RALYL: variants seen among roughly 807,000 people sequenced by gnomAD.
RALYL encodes RNA-binding Raly-like protein.
A neutral mutation model predicts 35.1 loss-of-function variants in RALYL; 29 were observed. The observed-to-expected ratio is 0.83, with a 90% CI of 0.61 to 1.13. The LOEUF (loss-of-function observed/expected upper bound fraction) is 1.13. Ranked by LOEUF, RALYL falls within the 50% of genes most tolerant of loss-of-function variation. RALYL has a pLI of 0.00. For synonymous variants in RALYL, 120 were observed against 127.6 expected, an observed-to-expected ratio of 0.94 and a Z score of 0.40; for missense variants, 359 against 360.4, an observed-to-expected ratio of 1.00 and a Z score of 0.03.
At chr8:84,294,859 G>A (rs1436016759) in intron 1 of RALYL, among the ~76,000 whole-genome samples, 2 of 152,016 alleles carry the variant, frequency 1.3e-5, no homozygotes, top group Non-Finnish European at 2.9e-5. Context: ...AGAATGGGAG[G>A]CATCTTTTAT....
Position 84,620,906 on chromosome 8 carries a change from G to A in RALYL, c.256+91329G>A, listed in dbSNP as rs552773971. ...GGGGTGCCTCCCAGTTAGGCTGCTC[G>A]GGGGTCAGGGGACAGGGACCCACTT... On this transcript the variant is annotated intron_variant, in intron 2 of 8. Coordinates refer to ENST00000521268, the MANE Select transcript of RALYL (RefSeq NM_173848.7). Among the ~76,000 whole-genome samples, 101 of 152,132 alleles carry A rather than the reference G, an allele frequency of 6.6e-4. 1 individual carries two copies. The highest frequency in any genetic ancestry group is 6.8e-3 in the Middle Eastern group (2 of 294).
intron 3 of RALYL, among the ~76,000 whole-genome samples, chr8:84,801,635 G>C (rs889918176): frequency 6.6e-6 from 1 of 152,200 alleles, no homozygotes; most frequent in Non-Finnish European, 1.5e-5. Context: ...GGAAAAAACA[G>C]TATTCTGGTA....
At chr8:84,320,179 T>A (rs1844537237) in intron 1 of RALYL, among the ~76,000 whole-genome samples, 1 of 152,082 alleles carries the variant, frequency 6.6e-6, no homozygotes. Context: ...ATTTACCATA[T>A]TTTGCTTAGG....
rs192234956 is a variant in RALYL, at chr8:84,212,348, G to A, written c.-24+27924G>A. Among the ~76,000 whole-genome samples, 1,045 of 151,920 alleles carry A rather than the reference G, an allele frequency of 6.9e-3. 3 individuals carry two copies. The highest frequency in any genetic ancestry group is 0.023 in the African/African-American group (957 of 41,438). On this transcript the variant is annotated intron_variant, in intron 1 of 8. Coordinates refer to ENST00000521268, the MANE Select transcript of RALYL (RefSeq NM_173848.7). ...ATTATATTATCATTTATTTACCTAC[G>A]TTTGTATTTTCAAAATCATGCTTAA...
chr8:84,387,281 C>G lies in RALYL; in HGVS notation c.-23-142018C>G, dbSNP rs562018716. Among the ~76,000 whole-genome samples the G allele has an allele frequency of 5.3e-5, 8 of 151,890 alleles. No individual in the cohort carries two copies. The South Asian group carries it at 1.7e-3, about 31-fold the overall frequency. The stretch of plus-strand genomic sequence containing the variant: ...TCCGTATGTAATGATTACTGAATGG[C>G]CTGAACTCACCGCCAAAAAGCACTT... On this transcript the variant is annotated intron_variant, in intron 1 of 8. Coordinates refer to ENST00000521268, the MANE Select transcript of RALYL (RefSeq NM_173848.7).
intron 1 of RALYL, among the ~76,000 whole-genome samples, chr8:84,406,607 A>T (rs1030334851): frequency 4.6e-5 from 7 of 152,064 alleles, no homozygotes; most frequent in Non-Finnish European, 1.0e-4. Context: ...CATTTTGAAT[A>T]AACCATTTAC....
At chr8:84,655,036 G>A (rs1444364388) in intron 2 of RALYL, among the ~76,000 whole-genome samples, 3 of 152,048 alleles carry the variant, frequency 2.0e-5, no homozygotes, top group African/African-American at 7.2e-5. Context: ...ATAGTGGATT[G>A]TTCTAATTTA....
chr8:84,378,145 A>G (rs150706859), intron 1 of RALYL, among the ~76,000 whole-genome samples: 69 of 152,026 alleles, frequency 4.5e-4, no homozygotes, highest in African/African-American at 1.1e-3. Context: ...TAATTGTTTT[A>G]CCTTCAAGGT....
At chr8:84,287,961 TCA>T (rs1249163644) in intron 1 of RALYL, among the ~76,000 whole-genome samples, 1 of 152,140 alleles carries the variant, frequency 6.6e-6, no homozygotes, top group African/African-American at 2.4e-5. Context: ...CTATCAAATC[TCA>T]GTCATCACAG....
At chr8:84,262,062 G>C (rs1401324194) in intron 1 of RALYL, among the ~76,000 whole-genome samples, 4 of 152,038 alleles carry the variant, frequency 2.6e-5, no homozygotes, top group Admixed American at 6.6e-5. Flanking sequence ...TATTCTCATG[G>C]CAATAAATTC....
chr8:84,906,579 C>G (rs545140982), intron 8 of RALYL, among the ~76,000 whole-genome samples: 12 of 151,974 alleles, frequency 7.9e-5, no homozygotes, highest in Non-Finnish European at 1.5e-4. Context: ...CTTTTCTTCC[C>G]CAACTTTTTT....
At chr8:84,418,346 A>G (rs2044993283) in intron 1 of RALYL, among the ~76,000 whole-genome samples, 1 of 152,170 alleles carries the variant, frequency 6.6e-6, no homozygotes, top group South Asian at 2.1e-4. Flanking sequence ...AAAATGAAAT[A>G]ATTCATACGA....
At chr8:84,719,360 T>C (rs1296196639) in intron 2 of RALYL, among the ~76,000 whole-genome samples, 3 of 152,226 alleles carry the variant, frequency 2.0e-5, no homozygotes, top group African/African-American at 7.2e-5. Context: ...GTTTGTGAAC[T>C]ATCTCTTGCC....
intron 1 of RALYL, among the ~76,000 whole-genome samples, chr8:84,296,879 A>G (rs1839858165): frequency 6.6e-6 from 1 of 151,926 alleles, no homozygotes; most frequent in African/African-American, 2.4e-5. Flanking sequence ...TTGCCTAAAG[A>G]GTCTTAGAAA....
intron 6 of RALYL, among the ~76,000 whole-genome samples, chr8:84,872,232 T>C (rs1211473406): frequency 6.6e-6 from 1 of 152,186 alleles, no homozygotes; most frequent in African/African-American, 2.4e-5. Flanking sequence ...AAAATATTTC[T>C]AAATTCCATT....
intron 2 of RALYL, among the ~76,000 whole-genome samples, chr8:84,742,930 T>C (rs59075895): frequency 2.6e-5 from 4 of 152,120 alleles, no homozygotes; most frequent in African/African-American, 4.8e-5. Context: ...CTACTACTTA[T>C]TGAGATCCTT....
chr8:84,824,266 A>C (rs1222579846), intron 4 of RALYL, among the ~76,000 whole-genome samples: 1 of 151,694 alleles, frequency 6.6e-6, no homozygotes, highest in African/African-American at 2.4e-5. Flanking sequence ...TAGCTGCAAA[A>C]AAAAAAATAA....
At chr8:84,502,450 T>A (rs1026185705) in intron 1 of RALYL, among the ~76,000 whole-genome samples, 1 of 152,042 alleles carries the variant, frequency 6.6e-6, no homozygotes, top group Non-Finnish European at 1.5e-5. Flanking sequence ...AAAACCAAGA[T>A]TTATACTTAA....
At chr8:84,903,895 T>C (rs933917441) in intron 8 of RALYL, among the ~76,000 whole-genome samples, 4 of 152,176 alleles carry the variant, frequency 2.6e-5, no homozygotes, top group African/African-American at 9.7e-5. Context: ...AGATATGTGT[T>C]TTGCCCTTAA....
Sources: gnomAD v4.1 joint callset for allele counts (sites outside exome capture counted in the v4.1 genomes callset) on GRCh38, gnomAD v4.1.1 for gene constraint, MANE v1.5 for transcripts, NCBI Gene and HGNC (gene_info 2026-07-23, HGNC 2026-07-21) for gene names.